FAM184A: variants seen among roughly 807,000 people sequenced by gnomAD.
The protein encoded by FAM184A is family with sequence similarity 184 member A.
FAM184A carries 99 observed loss-of-function variants against 143.8 expected under a neutral mutation model. That is an observed-to-expected ratio of 0.69 (90% CI 0.58 to 0.81). The LOEUF (loss-of-function observed/expected upper bound fraction) is 0.81. Ranked by LOEUF, FAM184A falls within the 40% of genes least tolerant of loss-of-function variation. The pLI is 0.00. For synonymous variants in FAM184A, 427 were observed against 446.4 expected (o/e 0.96, Z 0.55); for missense variants, 1,217 against 1,310.5 (o/e 0.93, Z 1.10).
Position 119,139,355 on chromosome 6 carries a change from A to C in FAM184A, c.-202+9723T>G, listed in dbSNP as rs1005085193. Among the ~76,000 whole-genome samples the C allele has an allele frequency of 4.9e-4, 74 of 152,268 alleles. 1 individual carries two copies. The highest frequency in any genetic ancestry group is 1.4e-3 in the African/African-American group (59 of 41,546). ...CTGGAGCGGCTGGGGAGAAGGGCCC[A>C]GCAGTTTGTTTCTGGTTATCACACT... On this transcript the variant is annotated intron_variant, in intron 1 of 16. Coordinates refer to the FAM184A transcript ENST00000352896.
At chr6:119,009,861 T>C (rs903962266) in intron 6 of FAM184A, among the ~76,000 whole-genome samples, 1 of 152,186 alleles carries the variant, frequency 6.6e-6, no homozygotes, top group African/African-American at 2.4e-5. Context: ...CCATATTTAT[T>C]AAATAAATGA....
At chr6:119,066,071 G>A (rs910542940) in intron 1 of FAM184A, among the ~76,000 whole-genome samples, 7 of 152,144 alleles carry the variant, frequency 4.6e-5, no homozygotes, top group African/African-American at 1.2e-4. Context: ...GAGGACACAC[G>A]GTCCACAGCT....
chr6:118,980,793 T>C (rs143892943), intron 9 of FAM184A, among the ~76,000 whole-genome samples: 18 of 152,300 alleles, frequency 1.2e-4, no homozygotes, highest in African/African-American at 4.3e-4. Flanking sequence ...CCTAGCTCTG[T>C]CACTTGTTAG....
chr6:119,119,962 T>A (rs1789167780), intron 1 of FAM184A, among the ~76,000 whole-genome samples: 1 of 152,130 alleles, frequency 6.6e-6, no homozygotes, highest in Admixed American at 6.5e-5. Flanking sequence ...ACAGCATGGG[T>A]GACACAGCAA....
At chr6:119,088,763 T>C (rs2114817069) in intron 1 of FAM184A, among the ~76,000 whole-genome samples, 1 of 152,314 alleles carries the variant, frequency 6.6e-6, no homozygotes, top group South Asian at 2.1e-4. Flanking sequence ...CTATAGACTG[T>C]GTACAAGCAA....
At chr6:119,074,562 T>C (rs777067035) in intron 1 of FAM184A, among the ~76,000 whole-genome samples, 1 of 151,910 alleles carries the variant, frequency 6.6e-6, no homozygotes, top group Non-Finnish European at 1.5e-5. Flanking sequence ...AAAGAGTAAA[T>C]TGAAAGAGAC....
intron 1 of FAM184A, among the ~76,000 whole-genome samples, chr6:119,112,810 A>G (rs1251278893): frequency 1.3e-5 from 2 of 152,246 alleles, no homozygotes; most frequent in Non-Finnish European, 2.9e-5. Flanking sequence ...AGATAGTTAA[A>G]ATATGAGGAA....
chr6:119,031,858 G>T (rs920958391), intron 1 of FAM184A, among the ~76,000 whole-genome samples: 2 of 152,088 alleles, frequency 1.3e-5, no homozygotes, highest in Admixed American at 6.6e-5. Context: ...ATTTCATTTG[G>T]AAGAGTATTT....
At chr6:119,080,521 T>C (rs924115721), upstream of FAM184A, among the ~76,000 whole-genome samples, 5 of 152,220 alleles carry the variant, frequency 3.3e-5, no homozygotes, top group Non-Finnish European at 5.9e-5. Context: ...CAAGACACAA[T>C]TAAAGTTATA....
chr6:119,048,724 T>G (rs1786629343), intron 1 of FAM184A, among the ~76,000 whole-genome samples: 1 of 152,078 alleles, frequency 6.6e-6, no homozygotes, highest in Admixed American at 6.5e-5. Flanking sequence ...ACAATTGAAC[T>G]CATGGACACA....
chr6:119,141,582 T>C (rs1278464154), intron 1 of FAM184A, among the ~76,000 whole-genome samples: 1 of 152,174 alleles, frequency 6.6e-6, no homozygotes, highest in Non-Finnish European at 1.5e-5. Flanking sequence ...GTTCAAGCGA[T>C]TCTCCTGCCT....
intron 9 of FAM184A, among the ~76,000 whole-genome samples, chr6:118,981,431 C>A (rs574347739): frequency 6.6e-6 from 1 of 152,026 alleles, no homozygotes; most frequent in Non-Finnish European, 1.5e-5. Flanking sequence ...ACAGTTTCTG[C>A]GGCCAAAAAA....
chr6:118,962,037 A>C, intron 16 of FAM184A, 74 bp from the exon 17 acceptor site: 1 of 1,484,324 alleles, frequency 6.7e-7, no homozygotes, highest in South Asian at 1.2e-5. Context: ...GGTAGAAGAT[A>C]GAAATTTGGC....
intron 3 of FAM184A, 108 bp from the exon 4 acceptor site, chr6:119,020,267 G>T: frequency 2.5e-6 from 2 of 812,818 alleles, no homozygotes; most frequent in South Asian, 4.6e-5. Flanking sequence ...TAAAATAAAT[G>T]GTCTACATGT....
chr6:118,981,753 G>T (rs1237319058), intron 9 of FAM184A, among the ~76,000 whole-genome samples: 2 of 152,184 alleles, frequency 1.3e-5, no homozygotes, highest in African/African-American at 4.8e-5. Flanking sequence ...TTATCAATCA[G>T]AGTTAGTTAT....
At chr6:119,005,947 G>A (rs794262) in intron 7 of FAM184A, 325,833 of 565,084 alleles carry the variant, frequency 0.58, 95,744 homozygotes, top group East Asian at 0.77. Flanking sequence ...AATTGTTATC[G>A]GTTGAACTGG....
chr6:119,112,962 A>G (rs1446941733), intron 1 of FAM184A, among the ~76,000 whole-genome samples: 1 of 152,110 alleles, frequency 6.6e-6, no homozygotes, highest in East Asian at 1.9e-4. Context: ...TCCTTGCCTA[A>G]ATGCTAAGTG....
intron 4 of FAM184A, among the ~76,000 whole-genome samples, chr6:119,017,215 T>C (rs1415586579): frequency 6.6e-6 from 1 of 152,202 alleles, no homozygotes; most frequent in African/African-American, 2.4e-5. Context: ...AGTAAAGGGC[T>C]GGGCCGGGTG....
intron 1 of FAM184A, among the ~76,000 whole-genome samples, chr6:119,118,981 G>T (rs1789136066): frequency 6.6e-6 from 1 of 152,168 alleles, no homozygotes; most frequent in African/African-American, 2.4e-5. Context: ...GAAAGAGAAT[G>T]CATCCCTAAG....
Sources: allele counts gnomAD v4.1 joint callset (sites outside exome capture counted in the v4.1 genomes callset), GRCh38; gene constraint gnomAD v4.1.1; transcripts MANE v1.5; gene names NCBI Gene and HGNC (gene_info 2026-07-23, HGNC 2026-07-21).